USP6NL: variants seen among roughly 807,000 people sequenced by gnomAD.
USP6NL encodes USP6 N-terminal like, also known as USP6 N-terminal-like protein.
A neutral mutation model predicts 61.9 loss-of-function variants in USP6NL; 26 were observed. The observed-to-expected ratio is 0.42, with a 90% confidence interval of 0.31 to 0.58. The LOEUF is 0.58. USP6NL is among the 20% of genes least tolerant of loss of function. The pLI, the probability that USP6NL is intolerant of heterozygous loss-of-function variation, is 0.16. For synonymous variants in USP6NL, 432 were observed against 390.1 expected (o/e 1.11, Z -1.27); for missense variants, 1,114 against 1,034.3 (o/e 1.08, Z -1.06).
intron 14 of USP6NL, among the ~76,000 whole-genome samples, chr10:11,471,826 T>A (rs1591817943): frequency 2.2e-5 from 1 of 46,162 alleles, no homozygotes; most frequent in Non-Finnish European, 4.1e-5. Context: ...AGGCCTGTTG[T>A]GGGGTGGGGG....
At chr10:11,558,553 G>A (rs1395027342) in intron 2 of USP6NL, among the ~76,000 whole-genome samples, 2 of 152,136 alleles carry the variant, frequency 1.3e-5, no homozygotes, top group Admixed American at 1.3e-4. Context: ...GTCCTCATTT[G>A]TGGTTGCAGA....
intron 10 of USP6NL, among the ~76,000 whole-genome samples, 189 bp from the exon 11 acceptor site, chr10:11,486,100 G>A (rs1047045224): frequency 5.3e-5 from 8 of 149,736 alleles, no homozygotes; most frequent in Admixed American, 5.3e-4. Context: ...TTTTAGCCTA[G>A]GATTTGTTTG....
At chr10:11,521,790 G>A (rs61844565) in intron 4 of USP6NL, among the ~76,000 whole-genome samples, 12,451 of 152,242 alleles carry the variant, frequency 0.082, 606 homozygotes, top group South Asian at 0.19. Flanking sequence ...TACACATTTT[G>A]ATAAGTAGCT....
chr10:11,531,912 T>C (rs1004360033), intron 2 of USP6NL, among the ~76,000 whole-genome samples: 2 of 152,182 alleles, frequency 1.3e-5, no homozygotes, highest in African/African-American at 4.8e-5. Context: ...AATTGACAAC[T>C]ATACAATTCT....
In USP6NL at chr10:11,476,577, G is replaced by A. The variant is rs1235768574; in HGVS notation, c.1078+5193C>T. 6.6e-6 allele frequency among the ~76,000 whole-genome samples: 1 copy of A among 152,112 alleles called. No homozygotes were observed. Among genetic ancestry groups the A allele is most frequent in the African/African-American group, 2.4e-5 (1 of 41,418 alleles). The stretch of plus-strand genomic sequence containing the variant: ...AAATCTATGAGGTGGGCATATGGGT[G>A]ATCATTTTTAATTTTTACATCATAT... On this transcript the variant is annotated intron_variant, in intron 14 of 14. Coordinates refer to ENST00000609104, the MANE Select transcript of USP6NL (RefSeq NM_014688.5). This position sits in a 1 kb window ranked among gnomAD's most constrained non-coding sequence, Gnocchi z 4.3.
Position 11,463,349 on chromosome 10 carries a change from C to A in USP6NL, c.1579G>T (p.Val527Leu). The change falls in exon 15 of 15, where the codon GTG becomes TTG. Residue 527 changes from valine to leucine, a missense_variant. Transcript: ENST00000609104. This position sits in a 1 kb window ranked among gnomAD's most constrained non-coding sequence, Gnocchi z 6.3. Reference sequence around the variant, plus strand: ...TTCATCTTTGGCCGCACGTTTGACACCCGCACCTCGGCAGGACCTGGGACG... The same window carrying A: ...TTCATCTTTGGCCGCACGTTTGACAACCGCACCTCGGCAGGACCTGGGACG... ...VTVPGPAEVR[V>L]SNVRPKMKAL... 3 of 1,613,978 alleles carry A rather than the reference C, an allele frequency of 1.9e-6. No individual in the cohort carries two copies. Among genetic ancestry groups the A allele is most frequent in the Non-Finnish European group, 2.5e-6 (3 of 1,179,890 alleles).
At chr10:11,515,217 T>C (rs2133365103) in intron 5 of USP6NL, among the ~76,000 whole-genome samples, 2 of 152,340 alleles carry the variant, frequency 1.3e-5, no homozygotes, top group South Asian at 4.1e-4. Flanking sequence ...TAGCTTTGTC[T>C]TCTATCTGGT....
At chr10:11,467,479 A>G (rs1019683839) in intron 14 of USP6NL, among the ~76,000 whole-genome samples, 4 of 152,244 alleles carry the variant, frequency 2.6e-5, no homozygotes, top group South Asian at 2.1e-4. Context: ...AATATTTGCT[A>G]TAAGGATGTT....
chr10:11,582,155 G>A (rs917854557), intron 2 of USP6NL, among the ~76,000 whole-genome samples: 10 of 152,178 alleles, frequency 6.6e-5, no homozygotes, highest in Admixed American at 2.0e-4. Flanking sequence ...TAGTAGAGAC[G>A]GGGTTTCGCC....
chr10:11,566,470 G>A (rs776564146), intron 2 of USP6NL, among the ~76,000 whole-genome samples: 1 of 152,198 alleles, frequency 6.6e-6, no homozygotes, highest in Non-Finnish European at 1.5e-5. Context: ...CCACATTCAC[G>A]AACTTATAAG....
chr10:11,474,588 C>T lies in USP6NL; in HGVS notation c.1078+7182G>A, dbSNP rs1045669196. 6.6e-6 allele frequency among the ~76,000 whole-genome samples: 1 copy of T among 151,990 alleles called. No homozygotes were observed. Among genetic ancestry groups the T allele is most frequent in the Non-Finnish European group, 1.5e-5 (1 of 68,002 alleles). On this transcript the variant is annotated intron_variant, in intron 14 of 14. Transcript: ENST00000609104. This position sits in a 1 kb window ranked among gnomAD's most constrained non-coding sequence, Gnocchi z 4.9. Reference sequence around the variant, plus strand: ...AAAATACTATACTAACTTTTGTAAACTGAATTAAATGTAAGGAAGAAATAC... The same window carrying T: ...AAAATACTATACTAACTTTTGTAAATTGAATTAAATGTAAGGAAGAAATAC...
intron 14 of USP6NL, among the ~76,000 whole-genome samples, chr10:11,471,571 T>C (rs549717795): frequency 6.6e-6 from 1 of 152,244 alleles, no homozygotes; most frequent in African/African-American, 2.4e-5. Flanking sequence ...GACTTGGAAC[T>C]AACCCAAATG....
At chr10:11,473,448 G>A (rs898675869) in intron 14 of USP6NL, among the ~76,000 whole-genome samples, 1 of 152,170 alleles carries the variant, frequency 6.6e-6, no homozygotes, top group African/African-American at 2.4e-5. Context: ...GCCAGGCACC[G>A]GCTGAGAAGG....
chr10:11,598,369 G>C lies in USP6NL; in HGVS notation c.-83-652C>G, dbSNP rs1838398263. 6.6e-6 allele frequency among the ~76,000 whole-genome samples: 1 copy of C among 151,474 alleles called. No individual in the cohort carries two copies. The highest frequency in any genetic ancestry group is 2.4e-5 in the African/African-American group (1 of 41,200). On this transcript the variant is annotated intron_variant, in intron 1 of 14. Transcript: ENST00000609104. The surrounding 1 kb of genome is among the most constrained non-coding windows in gnomAD (Gnocchi z 4.7). Reference sequence around the variant, plus strand: ...TACTTGATACTACACATAAAATTTTGTACTTGTTCCTTTCCACTTAAGAGC... The same window carrying C: ...TACTTGATACTACACATAAAATTTTCTACTTGTTCCTTTCCACTTAAGAGC...
In USP6NL at chr10:11,489,079, G is replaced by C; in HGVS notation, c.664+23C>G. On this transcript the variant is annotated intron_variant, in intron 10 of 14. Transcript: ENST00000609104. This position sits in a 1 kb window ranked among gnomAD's most constrained non-coding sequence, Gnocchi z 5.7. ...CTTTTTTCCCTACCTTGATTGTTTAGATAAAGCACAGGGTTTTCTTACCAT... is the reference window on the plus strand; with the variant it reads ...CTTTTTTCCCTACCTTGATTGTTTACATAAAGCACAGGGTTTTCTTACCAT... 1 of 1,611,688 alleles carries C rather than the reference G, an allele frequency of 6.2e-7. No individual in the cohort carries two copies. Among genetic ancestry groups the C allele is most frequent in the East Asian group, 2.2e-5 (1 of 44,842 alleles).
chr10:11,565,963 C>CACAG (rs1177277841), intron 2 of USP6NL, among the ~76,000 whole-genome samples: 2 of 152,220 alleles, frequency 1.3e-5, no homozygotes, highest in Non-Finnish European at 2.9e-5. Flanking sequence ...CAGCATTTAT[C>CACAG]ATATGCACAG....
At chr10:11,609,520 G>A (rs187979734) in intron 1 of USP6NL, among the ~76,000 whole-genome samples, 1 of 152,198 alleles carries the variant, frequency 6.6e-6, no homozygotes, top group Non-Finnish European at 1.5e-5. Context: ...CACTTGTCTC[G>A]TTCTCGCTAC....
chr10:11,526,473 A>G (rs1225467035), intron 3 of USP6NL, among the ~76,000 whole-genome samples: 1 of 152,228 alleles, frequency 6.6e-6, no homozygotes, highest in African/African-American at 2.4e-5. Flanking sequence ...TGAGAGTGAC[A>G]CTGGTTTTAA....
chr10:11,502,086 G>A (rs1484526832), intron 6 of USP6NL, among the ~76,000 whole-genome samples: 1 of 151,884 alleles, frequency 6.6e-6, no homozygotes, highest in Admixed American at 6.6e-5. Context: ...GTGAAACCCC[G>A]TCTCTACTAA....
Sources: allele counts gnomAD v4.1 joint callset (sites outside exome capture counted in the v4.1 genomes callset), GRCh38; gene constraint gnomAD v4.1.1; non-coding constraint Gnocchi (gnomAD v3.1); transcripts MANE v1.5; gene names NCBI Gene and HGNC (gene_info 2026-07-23, HGNC 2026-07-21).